TLCD4: variants seen among roughly 807,000 people sequenced by gnomAD.
The protein encoded by TLCD4 is TLC domain containing 4.
TLCD4 carries 7 observed loss-of-function variants against 24.2 expected under a neutral mutation model. The ratio of observed to expected loss-of-function variants is 0.29; its 90% confidence interval spans 0.16 to 0.54. The LOEUF is 0.54. TLCD4 is among the 20% of genes least tolerant of loss of function. The pLI is 0.95. For synonymous variants in TLCD4, 103 were observed against 106.4 expected, an observed-to-expected ratio of 0.97 and a Z score of 0.20; for missense variants, 259 against 313.9, an observed-to-expected ratio of 0.82 and a Z score of 1.32.
chr1:95,125,152 T>C (rs1676679825), intron 1 of TLCD4, among the ~76,000 whole-genome samples: 1 of 152,200 alleles, frequency 6.6e-6, no homozygotes, highest in Non-Finnish European at 1.5e-5. Context: ...CTTGGGAATG[T>C]TGGCCTAAAA....
In TLCD4 at chr1:95,140,787, A is replaced by ATT. The variant is rs1230170996; in HGVS notation, c.-11-3104_-11-3103insTT. The ATT allele has an allele frequency of 2.6e-5, 4 of 152,238 alleles. No homozygotes were observed. In the East Asian group the frequency reaches 7.7e-4, roughly 29 times the overall value. 9.4% of individuals were successfully genotyped at this position (152,238 alleles called of 1,614,324 possible). On this transcript the variant is annotated intron_variant, in intron 1 of 6. Coordinates refer to ENST00000370203, the MANE Select transcript of TLCD4 (RefSeq NM_152487.3). ...TTTACTGTATATTCCTATACTTAAT[A>ATT]ATCACCAAACTCTTGCAGGCCCTTA...
chr1:95,112,921 G>T (rs1056578818), upstream of TLCD4, among the ~76,000 whole-genome samples: 6 of 152,076 alleles, frequency 3.9e-5, no homozygotes, highest in Admixed American at 3.9e-4. Flanking sequence ...TTACTAAGTT[G>T]CCCAGGCTGG....
rs1216158606 is a variant in TLCD4 at position 95,197,351 on chromosome 1, CT to C, written c.*5486del. 4.6e-5 allele frequency: 7 copies of C among 152,086 alleles called. No homozygotes were observed. Among genetic ancestry groups the C allele is most frequent in the African/African-American group, 1.7e-4 (7 of 41,422 alleles). The allele number at this position is 152,086 out of a possible 1,614,324, so 9.4% of individuals were successfully genotyped here. A position where few individuals can be genotyped will look rare whatever the true frequency, so the allele number is the denominator to read the frequency against. Reference sequence around the variant, plus strand: ...ATTAAAATTTTGAAATGTTTGTATACTTTATGTGTGCCATTTTAAAGTATAT... The same window carrying C: ...ATTAAAATTTTGAAATGTTTGTATACTTATGTGTGCCATTTTAAAGTATAT... On this transcript the variant is annotated 3_prime_UTR_variant, in exon 7 of 7. Coordinates refer to ENST00000370203, the MANE Select transcript of TLCD4 (RefSeq NM_152487.3).
intron 3 of TLCD4, among the ~76,000 whole-genome samples, chr1:95,149,913 AT>A (rs1677446481): frequency 6.6e-6 from 1 of 152,206 alleles, no homozygotes; most frequent in African/African-American, 2.4e-5. Flanking sequence ...TCTATTAAAT[AT>A]TTGTAGTCCA....
At chr1:95,105,946 A>G in the TLCD4 span, among the ~76,000 whole-genome samples, 4 of 151,766 alleles carry the variant, frequency 2.6e-5, no homozygotes, top group African/African-American at 7.2e-5. Context: ...TGCAGAAAGA[A>G]GACTACTGCA....
At chr1:95,132,329 C>G (rs1388909554) in intron 1 of TLCD4, among the ~76,000 whole-genome samples, 1 of 151,868 alleles carries the variant, frequency 6.6e-6, no homozygotes, top group Non-Finnish European at 1.5e-5. Context: ...TGGTGGCACA[C>G]GTCTGTAATC....
chr1:95,125,366 C>A (rs944500282), intron 1 of TLCD4: 6 of 152,152 alleles, frequency 3.9e-5, no homozygotes, highest in Non-Finnish European at 5.9e-5. Flanking sequence ...GACTGTCTGG[C>A]AGTATCAAAC....
chr1:95,174,614 A>G (rs1170920664), intron 6 of TLCD4, among the ~76,000 whole-genome samples: 2 of 152,076 alleles, frequency 1.3e-5, no homozygotes, highest in African/African-American at 2.4e-5. Context: ...CATGAGTCCA[A>G]GAGTTTAAGC....
At chr1:95,103,687 C>A in the TLCD4 span, among the ~76,000 whole-genome samples, 1 of 152,222 alleles carries the variant, frequency 6.6e-6, no homozygotes, top group Non-Finnish European at 1.5e-5. Context: ...CCATCCCCTA[C>A]AAATCAATTT....
chr1:95,194,875 G>T lies in TLCD4; in HGVS notation c.*3007G>T, dbSNP rs1679143505. Reference sequence around the variant, plus strand: ...TAAAACTGGAAATGAAGTTATATATGAGTGCAAAGAAATTGACTTCTGCTC... The same window carrying T: ...TAAAACTGGAAATGAAGTTATATATTAGTGCAAAGAAATTGACTTCTGCTC... On this transcript the variant is annotated 3_prime_UTR_variant, in exon 7 of 7. Transcript: ENST00000370203. 6.6e-6 allele frequency: 1 copy of T among 152,132 alleles called. No individual in the cohort carries two copies. The highest frequency in any genetic ancestry group is 2.4e-5 in the African/African-American group (1 of 41,440). 9.4% of individuals were successfully genotyped at this position (152,132 alleles called of 1,614,324 possible).
the TLCD4 span, among the ~76,000 whole-genome samples, chr1:95,105,893 T>TCAAAAAAAAAAAA: frequency 0.037 from 3,805 of 102,354 alleles, 664 homozygotes; most frequent in Non-Finnish European, 0.051. Context: ...AGACTCCGTC[T>TCAAAAAAAAAAAA]TAAAAAAAAA....
chr1:95,136,404 A>C (rs938350092), intron 1 of TLCD4, among the ~76,000 whole-genome samples: 1 of 152,038 alleles, frequency 6.6e-6, no homozygotes, highest in Middle Eastern at 3.2e-3. Context: ...TATGATTTGG[A>C]TTCATTATTT....
At chr1:95,137,819 C>G (rs1677090894) in intron 1 of TLCD4, among the ~76,000 whole-genome samples, 1 of 152,004 alleles carries the variant, frequency 6.6e-6, no homozygotes, top group Non-Finnish European at 1.5e-5. Flanking sequence ...TCACTGTAGC[C>G]TCCATCTCCT....
the TLCD4 span, among the ~76,000 whole-genome samples, chr1:95,111,318 CA>C: frequency 1.2e-4 from 15 of 123,072 alleles, no homozygotes; most frequent in South Asian, 1.3e-3. Flanking sequence ...CAAAACAAAA[CA>C]AAAAAAAAGA....
intron 5 of TLCD4, among the ~76,000 whole-genome samples, chr1:95,155,107 A>G (rs1677596721): frequency 6.6e-6 from 1 of 151,848 alleles, no homozygotes; most frequent in African/African-American, 2.4e-5. Flanking sequence ...AGTATTTAGT[A>G]CCATACTAGC....
intron 5 of TLCD4, among the ~76,000 whole-genome samples, chr1:95,159,416 TC>T (rs1463339564): frequency 6.6e-6 from 1 of 152,216 alleles, no homozygotes; most frequent in Non-Finnish European, 1.5e-5. Flanking sequence ...TAGCCCTTTG[TC>T]AGATGGGTAG....
intron 1 of TLCD4, among the ~76,000 whole-genome samples, chr1:95,126,101 G>A (rs1326690373): frequency 6.7e-5 from 10 of 149,906 alleles, no homozygotes; most frequent in Non-Finnish European, 1.5e-5. Flanking sequence ...AGACCAGCCT[G>A]GACAACATAG....
intron 1 of TLCD4, among the ~76,000 whole-genome samples, chr1:95,134,056 A>G (rs923702402): frequency 5.3e-5 from 8 of 151,986 alleles, no homozygotes; most frequent in African/African-American, 1.7e-4. Context: ...GCTTGAAGGA[A>G]AGAAGGCCCT....
At chr1:95,148,305 G>A (rs7532191) in intron 2 of TLCD4, among the ~76,000 whole-genome samples, 9 of 152,224 alleles carry the variant, frequency 5.9e-5, no homozygotes, top group African/African-American at 2.2e-4. Flanking sequence ...ATTGGAGCAG[G>A]AAACTTATCC....
Sources: allele counts gnomAD v4.1 joint callset (sites outside exome capture counted in the v4.1 genomes callset), GRCh38; gene constraint gnomAD v4.1.1; transcripts MANE v1.5; gene names NCBI Gene and HGNC (gene_info 2026-07-23, HGNC 2026-07-21).